ZBTB8OS: variants seen among roughly 807,000 people sequenced by gnomAD.
ZBTB8OS encodes tRNA splicing ligase complex subunit 1.
In ZBTB8OS, 16 loss-of-function variants were observed where a neutral mutation model predicts 29.3. The ratio of observed to expected loss-of-function variants is 0.55; its 90% CI spans 0.37 to 0.83. The LOEUF is 0.83. ZBTB8OS is among the 40% of genes least tolerant of loss of function. ZBTB8OS has a pLI of 0.00. For synonymous variants in ZBTB8OS, 70 were observed against 64.6 expected (o/e 1.08, Z -0.40); for missense variants, 160 against 196.9 (o/e 0.81, Z 1.12).
At chr1:32,630,390 TCAA>T (rs1645453210) in intron 5 of ZBTB8OS, among the ~76,000 whole-genome samples, 1 of 151,732 alleles carries the variant, frequency 6.6e-6, no homozygotes, top group Non-Finnish European at 1.5e-5. Flanking sequence ...AGACTCTGTC[TCAA>T]CAACAACAAA....
intron 5 of ZBTB8OS, among the ~76,000 whole-genome samples, chr1:32,629,145 T>C (rs1198453260): frequency 6.6e-6 from 1 of 151,852 alleles, no homozygotes; most frequent in Non-Finnish European, 1.5e-5. Context: ...GTGCGGTGGC[T>C]CACACCTGTA....
chr1:32,639,362 C>G lies in ZBTB8OS; in HGVS notation c.98-4570G>C, dbSNP rs377397. Among the ~76,000 whole-genome samples the G allele has an allele frequency of 8.9e-3, 1,345 of 151,922 alleles. 21 individuals are homozygous for G. The highest frequency in any genetic ancestry group is 0.03 in the African/African-American group (1,262 of 41,474). On this transcript the variant is annotated intron_variant, in intron 1 of 6. Transcript: ENST00000468695. ...TGTTGCCCAGGCTGGAGTGCAGTGGCTAGTCACAGGCACGACCATAGTACA... is the reference window on the plus strand; with the variant it reads ...TGTTGCCCAGGCTGGAGTGCAGTGGGTAGTCACAGGCACGACCATAGTACA...
intron 6 of ZBTB8OS, among the ~76,000 whole-genome samples, chr1:32,624,221 A>G (rs1351510134): frequency 2.6e-5 from 4 of 152,070 alleles, no homozygotes; most frequent in East Asian, 1.9e-4. Flanking sequence ...TAATAAACAT[A>G]TATTTTCTGA....
chr1:32,645,206 A>C (rs1646745211), intron 1 of ZBTB8OS, among the ~76,000 whole-genome samples: 1 of 151,198 alleles, frequency 6.6e-6, no homozygotes, highest in African/African-American at 2.4e-5. Flanking sequence ...TCATTCAAGA[A>C]TGTCCTTAGG....
intron 2 of ZBTB8OS, 47 bp downstream of exon 2, chr1:32,634,721 C>G (rs760399351): frequency 6.2e-7 from 1 of 1,612,686 alleles, no homozygotes; most frequent in Admixed American, 1.7e-5. Flanking sequence ...AACATTCAGT[C>G]TTCCTACTGA....
intron 1 of ZBTB8OS, among the ~76,000 whole-genome samples, chr1:32,640,272 T>C (rs1646298483): frequency 6.6e-6 from 1 of 152,078 alleles, no homozygotes; most frequent in South Asian, 2.1e-4. Flanking sequence ...AATTATTTTT[T>C]TGTATTTTTA....
chr1:32,634,130 A>G lies in ZBTB8OS; in HGVS notation c.123-58T>C, dbSNP rs773557172. On this transcript the variant is annotated intron_variant, in intron 2 of 6. Coordinates refer to ENST00000468695, the MANE Select transcript of ZBTB8OS (RefSeq NM_178547.5). ...AATCCACTGCAAGAAAGAAAATTTG[A>G]TAGCAGGCAAAGTCAAAATAAATTC... The G allele has an allele frequency of 1.3e-5, 17 of 1,346,420 alleles. 1 individual carries two copies. In the South Asian group the frequency reaches 3.9e-4, roughly 31 times the overall value. 83.4% of individuals were successfully genotyped at this position (1,346,420 alleles called of 1,614,324 possible). A position where few individuals can be genotyped will look rare whatever the true frequency, so the allele number is the denominator to read the frequency against.
chr1:32,637,590 G>C (rs1052913144), intron 1 of ZBTB8OS, among the ~76,000 whole-genome samples: 9 of 151,866 alleles, frequency 5.9e-5, no homozygotes, highest in Admixed American at 1.3e-4. Flanking sequence ...AATCTAAACT[G>C]TGTGGTTCCA....
rs770814029 is a variant in ZBTB8OS, at chr1:32,633,944, C to G, written c.244+7G>C. On this transcript the variant is annotated splice_region_variant and intron_variant, in intron 3 of 6. Coordinates refer to ENST00000468695, the MANE Select transcript of ZBTB8OS (RefSeq NM_178547.5). The stretch of plus-strand genomic sequence containing the variant: ...AACAATTTCTTCCTTGTGAATAAAT[C>G]ATTTACCTTGGGTTTCTACTTCTAC... The G allele has an allele frequency of 2.6e-6, 4 of 1,564,704 alleles. No homozygotes were observed. The Admixed American group carries it at 8.4e-5, about 33-fold the overall frequency.
intron 1 of ZBTB8OS, among the ~76,000 whole-genome samples, chr1:32,649,656 A>C (rs1647148462): frequency 7.3e-6 from 1 of 137,540 alleles, no homozygotes; most frequent in Non-Finnish European, 1.5e-5. Flanking sequence ...ACACACACAC[A>C]CACACACACA....
chr1:32,648,803 C>T (rs1198281249), intron 1 of ZBTB8OS, among the ~76,000 whole-genome samples: 2 of 151,702 alleles, frequency 1.3e-5, no homozygotes, highest in Non-Finnish European at 2.9e-5. Context: ...GGATTACAGG[C>T]ACCCACCACC....
intron 5 of ZBTB8OS, among the ~76,000 whole-genome samples, chr1:32,629,585 G>A (rs1645381459): frequency 1.3e-5 from 2 of 152,074 alleles, no homozygotes; most frequent in Admixed American, 1.3e-4. Flanking sequence ...TCCATGATCT[G>A]TATATAGAAG....
intron 5 of ZBTB8OS, among the ~76,000 whole-genome samples, chr1:32,628,311 C>T (rs761378688): frequency 1.4e-5 from 2 of 146,790 alleles, no homozygotes; most frequent in African/African-American, 2.5e-5. Flanking sequence ...GAGCCAAGAT[C>T]GCGCCACTGC....
chr1:32,631,992 C>CG (rs1645596038), intron 4 of ZBTB8OS, 113 bp from the exon 5 acceptor site: 4 of 135,730 alleles, frequency 2.9e-5, no homozygotes, highest in Non-Finnish European at 1.4e-5. Flanking sequence ...TTGGTAAAAC[C>CG]TTTTTTTTTT....
chr1:32,626,856 T>G (rs887636975), intron 6 of ZBTB8OS, among the ~76,000 whole-genome samples: 2 of 152,210 alleles, frequency 1.3e-5, no homozygotes, highest in African/African-American at 2.4e-5. Flanking sequence ...CCCTGATTTT[T>G]ACATTTTTAA....
chr1:32,650,565 T>G, upstream of ZBTB8OS: 3 of 1,613,956 alleles, frequency 1.9e-6, no homozygotes, highest in Non-Finnish European at 2.5e-6. Flanking sequence ...CCGCCCTTCA[T>G]CCACCGGACT....
At chr1:32,624,944 C>T (rs1645004702) in intron 6 of ZBTB8OS, among the ~76,000 whole-genome samples, 1 of 150,892 alleles carries the variant, frequency 6.6e-6, no homozygotes, top group Non-Finnish European at 1.5e-5. Context: ...TAAGAAGTAG[C>T]TGGGTGCAGT....
At chr1:32,630,626 C>G (rs1031058480) in intron 5 of ZBTB8OS, among the ~76,000 whole-genome samples, 11 of 152,126 alleles carry the variant, frequency 7.2e-5, no homozygotes, top group African/African-American at 2.7e-4. Flanking sequence ...CCTGTTGTCC[C>G]AGCTACTCAG....
intron 1 of ZBTB8OS, among the ~76,000 whole-genome samples, chr1:32,640,505 T>C (rs528906865): frequency 1.3e-5 from 2 of 152,248 alleles, no homozygotes; most frequent in South Asian, 4.1e-4. Flanking sequence ...ATTATGCACT[T>C]AGAATGAATC....
Sources: allele counts gnomAD v4.1 joint callset (sites outside exome capture counted in the v4.1 genomes callset), GRCh38; gene constraint gnomAD v4.1.1; transcripts MANE v1.5; gene names NCBI Gene and HGNC (gene_info 2026-07-23, HGNC 2026-07-21).